GRK4: variants seen among roughly 807,000 people sequenced by gnomAD.
GRK4 encodes G protein-coupled receptor kinase 2-like.
GRK4 carries 73 observed loss-of-function variants against 77.9 expected under a neutral mutation model. That is an observed-to-expected ratio of 0.94 (90% confidence interval 0.78 to 1.14). The LOEUF is 1.14. Among genes scored for constraint, GRK4 ranks in the 50% most tolerant of loss-of-function variants. GRK4 has a pLI of 0.00. For synonymous variants in GRK4, 257 were observed against 254.4 expected (o/e 1.01, Z -0.10); for missense variants, 729 against 700.2 (o/e 1.04, Z -0.46).
At chr4:2,992,869 A>C (rs1726687615) in intron 4 of GRK4, among the ~76,000 whole-genome samples, 1 of 151,922 alleles carries the variant, frequency 6.6e-6, no homozygotes, top group African/African-American at 2.4e-5. Flanking sequence ...CTGTGTTCTC[A>C]GCTACTTGGG....
chr4:2,983,415 C>T (rs1440699773), intron 1 of GRK4, among the ~76,000 whole-genome samples: 1 of 152,180 alleles, frequency 6.6e-6, no homozygotes. Context: ...ATGCTCATTT[C>T]TCTGAGTTGA....
chr4:3,001,354 C>T (rs868600835), intron 4 of GRK4, among the ~76,000 whole-genome samples: 1,102 of 103,258 alleles, frequency 0.011, 54 homozygotes, highest in African/African-American at 0.044. Context: ...CACACACACA[C>T]ATATATATAT....
chr4:3,016,039 G>T (rs968471326), intron 8 of GRK4, among the ~76,000 whole-genome samples: 1 of 151,248 alleles, frequency 6.6e-6, no homozygotes, highest in Admixed American at 6.6e-5. Flanking sequence ...CTCCCGAGTA[G>T]CTGGTTTTAC....
intron 4 of GRK4, among the ~76,000 whole-genome samples, chr4:2,994,013 A>G (rs78293808): frequency 0.075 from 11,389 of 152,232 alleles, 556 homozygotes; most frequent in Middle Eastern, 0.19. Context: ...CAGCAGGACC[A>G]TCTAGCAGCA....
chr4:3,037,675 G>T (rs568725035), intron 14 of GRK4, among the ~76,000 whole-genome samples, 164 bp downstream of exon 14: 1 of 152,138 alleles, frequency 6.6e-6, no homozygotes, highest in South Asian at 2.1e-4. Flanking sequence ...CCAGCACTTT[G>T]GGAGGCTGAG....
At chr4:3,000,055 A>G (rs1187292932) in intron 4 of GRK4, among the ~76,000 whole-genome samples, 2 of 152,132 alleles carry the variant, frequency 1.3e-5, no homozygotes, top group East Asian at 3.8e-4. Flanking sequence ...TCCTATTAGA[A>G]TTTCCTCTGC....
At chr4:3,014,336 G>T (rs1406274310) in intron 8 of GRK4, among the ~76,000 whole-genome samples, 3 of 128,248 alleles carry the variant, frequency 2.3e-5, no homozygotes, top group Non-Finnish European at 4.8e-5. Flanking sequence ...TCGCTCTGTT[G>T]TCCAGGCTGG....
chr4:2,980,657 A>ACCTCTTGTT (rs1722628969), intron 1 of GRK4, among the ~76,000 whole-genome samples: 4 of 152,114 alleles, frequency 2.6e-5, no homozygotes, highest in Non-Finnish European at 4.4e-5. Flanking sequence ...TAATGCATCC[A>ACCTCTTGTT]GCCTACCTCT....
At position 3,014,531 on chromosome 4, in the gene GRK4, C is replaced by T. The variant is rs536177112; in HGVS notation, c.741+703C>T. Among the ~76,000 whole-genome samples the T allele has an allele frequency of 9.9e-5, 15 of 152,062 alleles. No individual in the cohort carries two copies. In the South Asian group the frequency reaches 3.1e-3, roughly 32 times the overall value. On this transcript the variant is annotated intron_variant, in intron 8 of 15. Transcript: ENST00000398052. Reference sequence around the variant, plus strand: ...ATCTCTGGCCAGGCGCGGTGGCTCACACCTGTAATCCCACCACTTAGGGAG... The same window carrying T: ...ATCTCTGGCCAGGCGCGGTGGCTCATACCTGTAATCCCACCACTTAGGGAG...
intron 7 of GRK4, 25 bp from the exon 8 acceptor site, chr4:3,013,662 CT>C (rs1733574804): frequency 1.3e-6 from 2 of 1,587,148 alleles, no homozygotes; most frequent in Admixed American, 3.8e-5. Context: ...GGACATAAAC[CT>C]CCTTTATTTT....
rs765914844 is a variant in GRK4, at chr4:3,022,386, T to C, written c.933-28T>C. 2.5e-5 allele frequency: 40 copies of C among 1,610,548 alleles called. No homozygotes were observed. The African/African-American group carries it at 4.9e-4, about 20-fold the overall frequency. On this transcript the variant is annotated intron_variant, in intron 9 of 15. Transcript: ENST00000398052. ...AATCACAGTGCCAACTTCTGAATAA[T>C]TGGGCCTTTTGTTGTTGTTTCTTGT... is the stretch of plus-strand genomic sequence containing the variant.
At position 2,973,507 on chromosome 4, in the gene GRK4, C is replaced by T. The variant is rs1365784402; in HGVS notation, c.52+9385C>T. The stretch of plus-strand genomic sequence containing the variant: ...CATTGGTACGAGAAAGAGCCTGTAC[C>T]AGACCCCAAATACTCAACCCCAGCA... On this transcript the variant is annotated intron_variant, in intron 1 of 15. Coordinates refer to ENST00000398052, the MANE Select transcript of GRK4 (RefSeq NM_182982.3). Among the ~76,000 whole-genome samples, 6 of 152,144 alleles carry T rather than the reference C, an allele frequency of 3.9e-5. No homozygotes were observed. The East Asian group carries it at 1.2e-3, about 29-fold the overall frequency.
At chr4:3,023,072 T>G (rs1240904247) in intron 10 of GRK4, among the ~76,000 whole-genome samples, 1 of 152,212 alleles carries the variant, frequency 6.6e-6, no homozygotes, top group East Asian at 1.9e-4. Context: ...GCTTTATTCT[T>G]TTTTATTTCC....
intron 8 of GRK4, among the ~76,000 whole-genome samples, chr4:3,014,158 G>C (rs1363102797): frequency 5.3e-5 from 8 of 152,172 alleles, no homozygotes; most frequent in African/African-American, 1.9e-4. Flanking sequence ...CGTGTTTCTT[G>C]GTGAATTGCC....
intron 15 of GRK4, among the ~76,000 whole-genome samples, chr4:3,039,879 C>T (rs1741908288): frequency 6.6e-6 from 1 of 152,082 alleles, no homozygotes; most frequent in African/African-American, 2.4e-5. Flanking sequence ...CCTCCCTGGG[C>T]CCCGGTCCCA....
chr4:3,037,015 G>A (rs559344045), intron 13 of GRK4, among the ~76,000 whole-genome samples: 2 of 151,818 alleles, frequency 1.3e-5, no homozygotes, highest in African/African-American at 2.4e-5. Flanking sequence ...TTTGCACTAC[G>A]GAAAGGAGAA....
At chr4:3,005,940 C>T (rs1265142567) in intron 5 of GRK4, among the ~76,000 whole-genome samples, 1 of 152,160 alleles carries the variant, frequency 6.6e-6, no homozygotes, top group Non-Finnish European at 1.5e-5. Flanking sequence ...AATTCAGCGG[C>T]CAGTTCCACA....
At chr4:3,009,316 G>T (rs983821946) in intron 6 of GRK4, among the ~76,000 whole-genome samples, 5 of 151,950 alleles carry the variant, frequency 3.3e-5, no homozygotes, top group Admixed American at 3.3e-4. Context: ...CAGCTACTCG[G>T]GAGGCTGAGG....
Position 2,970,387 on chromosome 4 carries a change from C to T in GRK4, c.52+6265C>T, listed in dbSNP as rs546433951. Among the ~76,000 whole-genome samples, 27 of 152,238 alleles carry T rather than the reference C, an allele frequency of 1.8e-4. No homozygotes were observed. The South Asian group carries it at 4.4e-3, about 25-fold the overall frequency. ...ATAAAATAATATTCTTGGCCAGGCA[C>T]GGTGGCTCATGCCTGTAATCCCAGC... On this transcript the variant is annotated intron_variant, in intron 1 of 15. Transcript: ENST00000398052.
Sources: allele counts gnomAD v4.1 joint callset (sites outside exome capture counted in the v4.1 genomes callset), GRCh38; gene constraint gnomAD v4.1.1; transcripts MANE v1.5; gene names NCBI Gene and HGNC (gene_info 2026-07-23, HGNC 2026-07-21).